PUDP: variants seen among roughly 807,000 people sequenced by gnomAD.
PUDP encodes the protein pseudouridine 5'-phosphatase, also known as pseudouridine-5'-phosphatase.
PUDP carries 8 observed loss-of-function variants against 9.4 expected under a neutral mutation model. The observed-to-expected ratio is 0.85, with a 90% CI of 0.50 to 1.53. The LOEUF is 1.53. Among genes scored for constraint, PUDP ranks in the 40% most tolerant of loss-of-function variants. The pLI is 0.00. For missense variants in PUDP, 188 were observed against 189.7 expected, an observed-to-expected ratio of 0.99 and a Z score of 0.05; for synonymous variants, 99 against 80.7, an observed-to-expected ratio of 1.23 and a Z score of -1.22.
intron 1 of PUDP, among the ~76,000 whole-genome samples, chrX:7,029,409 C>G (rs759524296): frequency 6.3e-5 from 7 of 111,856 alleles, no homozygotes; most frequent in Non-Finnish European, 1.3e-4. Context: ...GGAAAGTGGT[C>G]GCTTAAATAA....
At chrX:7,141,855 C>T (rs1374275417) in intron 1 of PUDP, among the ~76,000 whole-genome samples, 6 of 112,450 alleles carry the variant, frequency 5.3e-5, no homozygotes, top group African/African-American at 1.9e-4. Flanking sequence ...AAAAATGATG[C>T]TGAATCTTCT....
intron 3 of PUDP, among the ~76,000 whole-genome samples, chrX:6,917,706 T>G (rs1277987967): frequency 8.9e-6 from 1 of 112,216 alleles, no homozygotes; most frequent in Non-Finnish European, 1.9e-5. Flanking sequence ...TGTGAATTAT[T>G]ACAAAATAGA....
At chrX:6,881,591 C>T (rs1231235708) in intron 3 of PUDP, among the ~76,000 whole-genome samples, 1 of 111,705 alleles carries the variant, frequency 9.0e-6, no homozygotes, top group East Asian at 2.8e-4. Flanking sequence ...GATGGGGCTC[C>T]CCAGTAGGGA....
At chrX:6,768,149 G>A (rs1041451236) in intron 3 of PUDP, among the ~76,000 whole-genome samples, 4 of 112,013 alleles carry the variant, frequency 3.6e-5, no homozygotes, top group African/African-American at 1.3e-4. Context: ...TCAACCAGGG[G>A]CGATTTTGTT....
At chrX:7,059,530 C>T (rs990243871) in intron 3 of PUDP, among the ~76,000 whole-genome samples, 5 of 111,805 alleles carry the variant, frequency 4.5e-5, no homozygotes, top group African/African-American at 1.6e-4. Context: ...GCAAGTGTGA[C>T]GGGAGGCCCC....
intron 1 of PUDP, among the ~76,000 whole-genome samples, chrX:7,000,571 G>C (rs1929311570): frequency 9.2e-6 from 1 of 108,203 alleles, no homozygotes; most frequent in African/African-American, 3.3e-5. Context: ...AATATGAATA[G>C]AAACAAATAC....
intron 1 of PUDP, among the ~76,000 whole-genome samples, chrX:6,988,971 T>C (rs1041138097): frequency 8.0e-5 from 9 of 111,803 alleles, no homozygotes; most frequent in African/African-American, 2.3e-4. Flanking sequence ...TAGTGAGACC[T>C]AGCCTGCCAC....
In PUDP at chrX:7,083,685, G is replaced by C. The variant is rs1472680310; in HGVS notation, c.281-6236C>G. Reference sequence around the variant, plus strand: ...GGAGGCCGAGGTGGGCGGATTACTTGAGGTCAGGAGTTGCAGACCAGCCTG... The same window carrying C: ...GGAGGCCGAGGTGGGCGGATTACTTCAGGTCAGGAGTTGCAGACCAGCCTG... On this transcript the variant is annotated intron_variant, in intron 2 of 3. Transcript: ENST00000381077. 4.5e-5 allele frequency among the ~76,000 whole-genome samples: 5 copies of C among 110,699 alleles called. No homozygotes were observed. In the East Asian group the frequency reaches 1.4e-3, roughly 32 times the overall value.
intron 3 of PUDP, among the ~76,000 whole-genome samples, chrX:6,728,342 G>A (rs186612842): frequency 2.1e-3 from 235 of 110,947 alleles, no homozygotes; most frequent in African/African-American, 6.7e-3. Context: ...CGGCAACATA[G>A]AGAAACATAA....
chrX:6,884,252 C>T (rs1174326820), intron 3 of PUDP, among the ~76,000 whole-genome samples: 1 of 111,801 alleles, frequency 8.9e-6, no homozygotes, highest in Admixed American at 9.5e-5. Context: ...GGCATGATTC[C>T]ATCTTTCCTT....
At chrX:7,025,235 C>T (rs966726798) in intron 1 of PUDP, among the ~76,000 whole-genome samples, 13 of 111,746 alleles carry the variant, frequency 1.2e-4, no homozygotes, top group African/African-American at 4.2e-4. Flanking sequence ...TTCTTTCGGG[C>T]ATATTCAGGA....
intron 1 of PUDP, among the ~76,000 whole-genome samples, chrX:7,004,920 C>T (rs1414515660): frequency 8.9e-6 from 1 of 112,221 alleles, no homozygotes; most frequent in Non-Finnish European, 1.9e-5. Flanking sequence ...AATGCAAAGC[C>T]TTAGAAGCAC....
intron 3 of PUDP, among the ~76,000 whole-genome samples, chrX:6,773,527 T>C (rs1187161175): frequency 9.0e-6 from 1 of 111,475 alleles, no homozygotes; most frequent in Non-Finnish European, 1.9e-5. Context: ...CTTTTTCAAA[T>C]AGTTTGGGAT....
chrX:6,881,130 T>C lies in PUDP; in HGVS notation c.*247+96003A>G, dbSNP rs142075746. ...AATCCACACACTATACAGAGTTATA[T>C]GGTCAACGATCTCAGGGTCAGTGGG... On this transcript the variant is annotated intron_variant and NMD_transcript_variant, in intron 3 of 3. Transcript: ENST00000655425. Among the ~76,000 whole-genome samples, 213 of 112,577 alleles carry C rather than the reference T, an allele frequency of 1.9e-3. 3 individuals carry two copies. In the Middle Eastern group the frequency reaches 0.032, roughly 17 times the overall value.
At chrX:6,754,305 G>GT (rs1308320695) in intron 3 of PUDP, among the ~76,000 whole-genome samples, 1 of 111,209 alleles carries the variant, frequency 9.0e-6, no homozygotes, top group Non-Finnish European at 1.9e-5. Flanking sequence ...CTGCTGCCTT[G>GT]TAAGACGTGC....
At chrX:6,836,680 G>A (rs1926587363) in intron 3 of PUDP, among the ~76,000 whole-genome samples, 2 of 112,397 alleles carry the variant, frequency 1.8e-5, no homozygotes, top group South Asian at 3.7e-4. Flanking sequence ...GATTAGTTTG[G>A]ACATACTTGG....
intron 3 of PUDP, among the ~76,000 whole-genome samples, chrX:7,074,830 C>T (rs1383424155): frequency 2.0e-4 from 23 of 112,345 alleles, no homozygotes; most frequent in African/African-American, 7.1e-4. Flanking sequence ...ATACATGTTC[C>T]CACTGGGAGC....
At chrX:7,006,655 T>G (rs899950541) in intron 1 of PUDP, among the ~76,000 whole-genome samples, 5 of 111,126 alleles carry the variant, frequency 4.5e-5, no homozygotes, top group African/African-American at 1.6e-4. Context: ...AATGTGAGTT[T>G]GGTTTCAATC....
rs141766000 is a variant in PUDP at position 6,920,580 on chromosome X, T to C, written c.*247+56553A>G. 2.3e-4 allele frequency among the ~76,000 whole-genome samples: 26 copies of C among 111,655 alleles called. 1 individual carries two copies. The East Asian group carries it at 7.1e-3, about 31-fold the overall frequency. ...GTAGATGCATATTTTGATTGCCTCCTTTGGAAAGGCTTATCAGAAACATAA... is the reference window on the plus strand; with the variant it reads ...GTAGATGCATATTTTGATTGCCTCCCTTGGAAAGGCTTATCAGAAACATAA... On this transcript the variant is annotated intron_variant and NMD_transcript_variant, in intron 3 of 3. Transcript: ENST00000655425.
Sources: allele counts gnomAD v4.1 joint callset (sites outside exome capture counted in the v4.1 genomes callset), GRCh38; gene constraint gnomAD v4.1.1; transcripts MANE v1.5; gene names NCBI Gene and HGNC (gene_info 2026-07-23, HGNC 2026-07-21).